RCAN2: variants seen among roughly 807,000 people sequenced by gnomAD.
The protein encoded by RCAN2 is calcipressin-2.
In RCAN2, 9 loss-of-function variants were observed where a neutral mutation model predicts 23.6. The observed-to-expected ratio is 0.38, with a 90% CI of 0.23 to 0.67. The LOEUF (loss-of-function observed/expected upper bound fraction) is 0.67, where lower values mean the gene tolerates loss of function less well. RCAN2 is among the 30% of genes least tolerant of loss of function. The pLI is 0.51. For synonymous variants in RCAN2, 109 were observed against 115.7 expected, an observed-to-expected ratio of 0.94 and a Z score of 0.37; for missense variants, 273 against 302.3, an observed-to-expected ratio of 0.90 and a Z score of 0.72.
At chr6:46,438,844 T>G (rs1423661067) in intron 2 of RCAN2, among the ~76,000 whole-genome samples, 1 of 152,176 alleles carries the variant, frequency 6.6e-6, no homozygotes, top group Non-Finnish European at 1.5e-5. Context: ...GAGCAATACT[T>G]GGGACATGGT....
intron 2 of RCAN2, among the ~76,000 whole-genome samples, chr6:46,370,236 C>T (rs1007598289): frequency 6.6e-6 from 1 of 152,174 alleles, no homozygotes; most frequent in Non-Finnish European, 1.5e-5. Context: ...TCATCTGTAC[C>T]CTTGACTAAG....
At position 46,268,152 on chromosome 6, in the gene RCAN2, T is replaced by TTTTA. The variant is rs1767401558; in HGVS notation, c.226-19260_226-19257dup. Among the ~76,000 whole-genome samples, 4 of 152,364 alleles carry TTTTA rather than the reference T, an allele frequency of 2.6e-5. No homozygotes were observed. The South Asian group carries it at 8.3e-4, about 32-fold the overall frequency. On this transcript the variant is annotated intron_variant, in intron 2 of 4. Coordinates refer to ENST00000371374, the MANE Select transcript of RCAN2 (RefSeq NM_001251974.2). ...GGATTTGCTGTTTCAGAAAACACCA[T>TTTTA]TTTATTCACTTCATTAACGGCACAA...
At chr6:46,476,841 G>A (rs773883571) in intron 1 of RCAN2, among the ~76,000 whole-genome samples, 4 of 152,124 alleles carry the variant, frequency 2.6e-5, no homozygotes, top group South Asian at 2.1e-4. Flanking sequence ...AAGATGAGGC[G>A]CTGGTTGCCA....
intron 2 of RCAN2, among the ~76,000 whole-genome samples, chr6:46,250,923 C>T (rs1409400046): frequency 2.0e-5 from 3 of 152,036 alleles, no homozygotes; most frequent in African/African-American, 7.2e-5. Context: ...GATTCCATAC[C>T]CTGCTGCCCA....
At chr6:46,436,999 A>G (rs2150420035) in intron 2 of RCAN2, among the ~76,000 whole-genome samples, 2 of 152,322 alleles carry the variant, frequency 1.3e-5, no homozygotes, top group South Asian at 4.1e-4. Context: ...GTTGTCTGTC[A>G]TCTCCAGACA....
chr6:46,289,519 T>C (rs543466702), intron 2 of RCAN2, among the ~76,000 whole-genome samples: 182 of 152,308 alleles, frequency 1.2e-3, no homozygotes, highest in Middle Eastern at 0.01. Flanking sequence ...TATGTGCTAA[T>C]GTAGAGAGTG....
chr6:46,332,036 G>A (rs1164309243), intron 2 of RCAN2, among the ~76,000 whole-genome samples: 1 of 152,088 alleles, frequency 6.6e-6, no homozygotes, highest in African/African-American at 2.4e-5. Flanking sequence ...ATCCCATAAA[G>A]CATATACAAA....
At chr6:46,321,045 A>C (rs1400303014) in intron 2 of RCAN2, among the ~76,000 whole-genome samples, 2 of 152,150 alleles carry the variant, frequency 1.3e-5, no homozygotes, top group Non-Finnish European at 2.9e-5. Context: ...CTTTCTACCT[A>C]CTATTCACTC....
At chr6:46,299,591 G>C (rs1762837852) in intron 2 of RCAN2, among the ~76,000 whole-genome samples, 1 of 151,580 alleles carries the variant, frequency 6.6e-6, no homozygotes, top group African/African-American at 2.4e-5. Flanking sequence ...CCCCTCTCTG[G>C]CCCCCCTTTT....
intron 1 of RCAN2, among the ~76,000 whole-genome samples, chr6:46,485,027 C>A (rs192370220): frequency 6.6e-6 from 1 of 152,278 alleles, no homozygotes; most frequent in East Asian, 1.9e-4. Context: ...AAAGCAATGT[C>A]AGTATACAGA....
intron 2 of RCAN2, among the ~76,000 whole-genome samples, chr6:46,397,593 A>G (rs567318225): frequency 1.3e-5 from 2 of 152,318 alleles, no homozygotes; most frequent in South Asian, 4.1e-4. Flanking sequence ...ATACATCTAT[A>G]ATTATTTTTT....
At chr6:46,431,055 C>T (rs2150416887) in intron 2 of RCAN2, among the ~76,000 whole-genome samples, 1 of 152,224 alleles carries the variant, frequency 6.6e-6, no homozygotes, top group South Asian at 2.1e-4. Context: ...GAGGAACTTT[C>T]TGCTGGAAAG....
At chr6:46,487,514 T>G (rs1769026748) in intron 1 of RCAN2, among the ~76,000 whole-genome samples, 1 of 152,228 alleles carries the variant, frequency 6.6e-6, no homozygotes, top group Non-Finnish European at 1.5e-5. Context: ...CTGAGCACCT[T>G]CACTGAGACG....
At chr6:46,225,468 C>T (rs1582001426) in intron 4 of RCAN2, among the ~76,000 whole-genome samples, 6 of 152,220 alleles carry the variant, frequency 3.9e-5, no homozygotes, top group South Asian at 4.2e-4. Context: ...TTTTAATGAT[C>T]ACCATTCTAA....
intron 2 of RCAN2, among the ~76,000 whole-genome samples, chr6:46,359,706 G>A (rs984591017): frequency 7.2e-5 from 11 of 152,118 alleles, no homozygotes; most frequent in East Asian, 5.8e-4. Context: ...CATTAAGAAC[G>A]AGGAAGAAGC....
chr6:46,404,011 C>T (rs2040429652), intron 2 of RCAN2, among the ~76,000 whole-genome samples: 1 of 152,132 alleles, frequency 6.6e-6, no homozygotes, highest in Admixed American at 6.5e-5. Context: ...CACCTAAGGT[C>T]AGGAGTTCAA....
At chr6:46,282,489 C>T (rs930919951) in intron 2 of RCAN2, among the ~76,000 whole-genome samples, 1 of 151,834 alleles carries the variant, frequency 6.6e-6, no homozygotes, top group Non-Finnish European at 1.5e-5. Flanking sequence ...AACAAACAAA[C>T]AAACAAACAA....
intron 2 of RCAN2, among the ~76,000 whole-genome samples, chr6:46,272,327 C>G (rs189442475): frequency 6.6e-6 from 1 of 152,184 alleles, no homozygotes; most frequent in South Asian, 2.1e-4. Flanking sequence ...CACCTTCAGC[C>G]GAGTGAAACC....
intron 2 of RCAN2, among the ~76,000 whole-genome samples, chr6:46,298,157 A>G (rs1359917768): frequency 6.6e-6 from 1 of 152,148 alleles, no homozygotes; most frequent in Non-Finnish European, 1.5e-5. Flanking sequence ...AAATGCAATT[A>G]TCTTCTCAGC....
Sources: allele counts gnomAD v4.1 joint callset (sites outside exome capture counted in the v4.1 genomes callset), GRCh38; gene constraint gnomAD v4.1.1; transcripts MANE v1.5; gene names NCBI Gene and HGNC (gene_info 2026-07-23, HGNC 2026-07-21).